Variants in SGCZ observed in about 807,000 individuals in gnomAD.
SGCZ encodes zeta-sarcoglycan.
SGCZ carries 40 observed loss-of-function variants against 41.3 expected under a neutral mutation model. The ratio of observed to expected loss-of-function variants is 0.97; its 90% CI spans 0.75 to 1.26. The LOEUF (loss-of-function observed/expected upper bound fraction) is 1.26. Ranked by LOEUF, SGCZ falls within the 50% of genes most tolerant of loss-of-function variation. The pLI, the probability that SGCZ is intolerant of heterozygous loss-of-function variation, is 0.00. For missense variants in SGCZ, 552 were observed against 369.8 expected, an observed-to-expected ratio of 1.49 and a Z score of -4.04; for synonymous variants, 206 against 137.5, an observed-to-expected ratio of 1.50 and a Z score of -3.49.
chr8:14,822,241 A>T (rs1375378541), intron 1 of SGCZ, among the ~76,000 whole-genome samples: 1 of 152,162 alleles, frequency 6.6e-6, no homozygotes, highest in Non-Finnish European at 1.5e-5. Context: ...CATTTCTGAT[A>T]GCTACAAAAA....
chr8:15,011,359 A>C (rs1238727604), intron 1 of SGCZ, among the ~76,000 whole-genome samples: 1 of 152,230 alleles, frequency 6.6e-6, no homozygotes, highest in Non-Finnish European at 1.5e-5. Flanking sequence ...CCACAAGGAA[A>C]GCATCCTCAC....
intron 1 of SGCZ, among the ~76,000 whole-genome samples, chr8:14,589,317 G>T (rs1178571542): frequency 6.9e-6 from 1 of 144,984 alleles, no homozygotes; most frequent in Admixed American, 7.2e-5. Flanking sequence ...CTGCACTCCA[G>T]CCTGGATGAC....
At chr8:14,693,069 T>A (rs1808848796) in intron 1 of SGCZ, among the ~76,000 whole-genome samples, 1 of 152,152 alleles carries the variant, frequency 6.6e-6, no homozygotes, top group Non-Finnish European at 1.5e-5. Context: ...TCAGGCACGG[T>A]GAAATGTGTT....
intron 1 of SGCZ, among the ~76,000 whole-genome samples, chr8:15,075,979 T>A (rs879531372): frequency 1.3e-5 from 2 of 152,024 alleles, no homozygotes; most frequent in African/African-American, 2.4e-5. Flanking sequence ...GACTTTTTCA[T>A]GGAACTAATA....
chr8:14,831,925 A>G (rs534867707), intron 1 of SGCZ, among the ~76,000 whole-genome samples: 2 of 151,888 alleles, frequency 1.3e-5, no homozygotes, highest in African/African-American at 4.8e-5. Flanking sequence ...AACAGTACAT[A>G]CACCTAATTC....
At chr8:14,445,337 TC>T (rs933212065) in intron 2 of SGCZ, among the ~76,000 whole-genome samples, 28 of 152,172 alleles carry the variant, frequency 1.8e-4, no homozygotes, top group African/African-American at 6.3e-4. Context: ...TGTTGCCTTT[TC>T]CAAAACTACC....
intron 1 of SGCZ, among the ~76,000 whole-genome samples, chr8:14,672,956 C>A (rs1206365971): frequency 6.6e-6 from 1 of 152,148 alleles, no homozygotes; most frequent in Non-Finnish European, 1.5e-5. Context: ...AGAAACCAGA[C>A]AAACTGGAAA....
intron 1 of SGCZ, among the ~76,000 whole-genome samples, chr8:15,136,553 G>A: frequency 6.6e-6 from 1 of 152,080 alleles, no homozygotes; most frequent in Non-Finnish European, 1.5e-5. Flanking sequence ...AGGTGTCATG[G>A]GAGGAACCAG....
At position 14,184,294 on chromosome 8, in the gene SGCZ, T is replaced by C. The variant is rs754870111; in HGVS notation, c.425-19592A>G. Among the ~76,000 whole-genome samples, 3 of 152,252 alleles carry C rather than the reference T, an allele frequency of 2.0e-5. No individual in the cohort carries two copies. In the East Asian group the frequency reaches 5.8e-4, roughly 29 times the overall value. On this transcript the variant is annotated intron_variant, in intron 4 of 7. Coordinates refer to ENST00000382080, the MANE Select transcript of SGCZ (RefSeq NM_139167.4). The stretch of plus-strand genomic sequence containing the variant: ...GGAGCTAAAATATTCCCACCCCCAA[T>C]AGCATCTTTATAACTCATACACTTA...
At chr8:14,535,951 C>A (rs1803283472) in intron 2 of SGCZ, among the ~76,000 whole-genome samples, 1 of 151,664 alleles carries the variant, frequency 6.6e-6, no homozygotes, top group Non-Finnish European at 1.5e-5. Context: ...TATTGATGAT[C>A]TTACATAGTT....
At chr8:14,653,040 C>T (rs903095227) in intron 1 of SGCZ, among the ~76,000 whole-genome samples, 4 of 151,952 alleles carry the variant, frequency 2.6e-5, no homozygotes, top group African/African-American at 9.7e-5. Flanking sequence ...AGTTTATTGC[C>T]AGCAAAAAAA....
intron 1 of SGCZ, among the ~76,000 whole-genome samples, chr8:15,024,015 T>C (rs1803355842): frequency 1.3e-5 from 2 of 152,196 alleles, no homozygotes; most frequent in South Asian, 2.1e-4. Context: ...AGTAATAATA[T>C]TAGAAAAAGA....
chr8:14,988,777 T>A (rs1801911835), intron 1 of SGCZ, among the ~76,000 whole-genome samples: 1 of 152,154 alleles, frequency 6.6e-6, no homozygotes, highest in Non-Finnish European at 1.5e-5. Context: ...TAACTATGCA[T>A]TTTTTCCTAA....
At chr8:14,500,910 A>G (rs895190174) in intron 2 of SGCZ, among the ~76,000 whole-genome samples, 2 of 152,136 alleles carry the variant, frequency 1.3e-5, no homozygotes, top group Non-Finnish European at 2.9e-5. Context: ...AACCAAAGGG[A>G]AACCATGAAT....
chr8:14,567,045 C>T (rs569986191), intron 1 of SGCZ, among the ~76,000 whole-genome samples: 1 of 152,356 alleles, frequency 6.6e-6, no homozygotes, highest in South Asian at 2.1e-4. Flanking sequence ...GGGCTGTGCT[C>T]AATTTCTCCC....
chr8:14,940,983 G>C (rs555488316), intron 1 of SGCZ, among the ~76,000 whole-genome samples: 6 of 151,622 alleles, frequency 4.0e-5, no homozygotes, highest in Non-Finnish European at 7.4e-5. Flanking sequence ...GCAAAAAAAA[G>C]CAAATCTCTA....
intron 4 of SGCZ, among the ~76,000 whole-genome samples, chr8:14,221,105 C>T (rs950520211): frequency 2.6e-5 from 4 of 151,900 alleles, no homozygotes; most frequent in South Asian, 4.2e-4. Flanking sequence ...TGCCAATAAA[C>T]GGAAATATAA....
chr8:14,291,148 G>A (rs569362138), intron 3 of SGCZ, among the ~76,000 whole-genome samples: 3 of 152,100 alleles, frequency 2.0e-5, no homozygotes, highest in East Asian at 1.9e-4. Context: ...GTAAAATAGC[G>A]GTTACCAGAA....
intron 1 of SGCZ, among the ~76,000 whole-genome samples, chr8:14,878,216 T>G (rs533836173): frequency 6.6e-6 from 1 of 151,834 alleles, no homozygotes; most frequent in East Asian, 1.9e-4. Flanking sequence ...TTTTTTCCAT[T>G]TTGGCTTAGT....
Sources: gnomAD v4.1 joint callset for allele counts (sites outside exome capture counted in the v4.1 genomes callset) on GRCh38, gnomAD v4.1.1 for gene constraint, MANE v1.5 for transcripts, NCBI Gene and HGNC (gene_info 2026-07-23, HGNC 2026-07-21) for gene names.